The following XIRP2 variants were observed in gnomAD, a reference collection of about 807,000 sequenced individuals.
XIRP2 encodes xin actin-binding repeat-containing protein 2.
A neutral mutation model predicts 277.0 loss-of-function variants in XIRP2; 236 were observed. The observed-to-expected ratio is 0.85, with a 90% CI of 0.77 to 0.95. The LOEUF (loss-of-function observed/expected upper bound fraction) is 0.95, where lower values mean the gene tolerates loss of function less well. XIRP2 is among the 40% of genes least tolerant of loss of function. XIRP2 has a pLI of 0.00. For missense variants in XIRP2, 4,640 were observed against 4,157.5 expected, an observed-to-expected ratio of 1.12 and a Z score of -3.19; for synonymous variants, 1,490 against 1,416.5, an observed-to-expected ratio of 1.05 and a Z score of -1.17.
At chr2:167,239,527 G>A (rs879789466) in intron 5 of XIRP2, among the ~76,000 whole-genome samples, 1 of 152,308 alleles carries the variant, frequency 6.6e-6, no homozygotes, top group East Asian at 1.9e-4. Context: ...AGGGCTGTTA[G>A]CCCAGGGAAG....
chr2:167,185,822 TTATC>T (rs1447246080), intron 3 of XIRP2, among the ~76,000 whole-genome samples: 8 of 152,148 alleles, frequency 5.3e-5, no homozygotes, highest in Non-Finnish European at 1.2e-4. Context: ...AATAATTAAT[TTATC>T]TATATTATCT....
chr2:167,157,078 A>G (rs1253262909), intron 3 of XIRP2, among the ~76,000 whole-genome samples: 1 of 152,146 alleles, frequency 6.6e-6, no homozygotes, highest in Non-Finnish European at 1.5e-5. Context: ...AATATTTACT[A>G]TGCTTTTTAA....
At chr2:167,149,257 A>G (rs976775438) in intron 3 of XIRP2, among the ~76,000 whole-genome samples, 1 of 152,188 alleles carries the variant, frequency 6.6e-6, no homozygotes, top group Non-Finnish European at 1.5e-5. Flanking sequence ...TTAATTCACT[A>G]TGCAGATAGC....
rs772232997 is a variant in XIRP2, at chr2:167,249,303, C to A, written c.7911C>A (p.Val2637=). Residue 2637 remains valine, a synonymous_variant, in exon 9 of 11, where the codon GTC becomes GTA. Coordinates refer to ENST00000409195, the MANE Select transcript of XIRP2 (RefSeq NM_152381.6). ...NQLSTTSPET[V]AAKRLHHVLA... is the part of the protein sequence containing the mutation. ...TCTCCACAACATCGCCAGAAACAGT[C>A]GCTGCCAAGAGGCTCCACCATGTTT... 1 of 1,613,720 alleles carries A rather than the reference C, an allele frequency of 6.2e-7. No individual in the cohort carries two copies. Among genetic ancestry groups the A allele is most frequent in the Admixed American group, 1.7e-5 (1 of 59,976 alleles).
chr2:167,102,332 A>G (rs1574256933), intron 2 of XIRP2, among the ~76,000 whole-genome samples: 1 of 152,148 alleles, frequency 6.6e-6, no homozygotes, highest in Admixed American at 6.6e-5. Flanking sequence ...TATGGCTTTC[A>G]CCCCTTATCC....
chr2:167,124,532 T>C (rs1029690176), intron 2 of XIRP2: 1 of 152,130 alleles, frequency 6.6e-6, no homozygotes, highest in African/African-American at 2.4e-5. Flanking sequence ...GTACCTGCAA[T>C]GTTCAAAGAA....
At chr2:167,010,097 T>G (rs1479289792) in intron 2 of XIRP2, among the ~76,000 whole-genome samples, 1 of 152,136 alleles carries the variant, frequency 6.6e-6, no homozygotes, top group Admixed American at 6.6e-5. Flanking sequence ...ATTTTGTCTT[T>G]TGTTGCCATT....
At chr2:167,094,413 T>C (rs1690238390) in intron 2 of XIRP2, among the ~76,000 whole-genome samples, 1 of 152,242 alleles carries the variant, frequency 6.6e-6, no homozygotes, top group South Asian at 2.1e-4. Context: ...TGAATGGTAT[T>C]GCCTAGGTTT....
chr2:167,004,579 C>A lies in XIRP2; in HGVS notation c.408+100689C>A, dbSNP rs1209864173. ...ATCTCGGCTGTGTAGCAACGTAAGGCCTCTGAACTGTGAGTTAATCAAGTA... is the reference window on the plus strand; with the variant it reads ...ATCTCGGCTGTGTAGCAACGTAAGGACTCTGAACTGTGAGTTAATCAAGTA... On this transcript the variant is annotated intron_variant, in intron 2 of 10. Transcript: ENST00000409195. 5.9e-5 allele frequency among the ~76,000 whole-genome samples: 9 copies of A among 151,558 alleles called. 1 individual carries two copies. The highest frequency in any genetic ancestry group is 5.3e-4 in the Admixed American group (8 of 15,144).
At chr2:167,201,271 A>AGG (rs1196689890) in intron 3 of XIRP2, among the ~76,000 whole-genome samples, 2,175 of 132,944 alleles carry the variant, frequency 0.016, 188 homozygotes, top group African/African-American at 0.046. Flanking sequence ...AGAGAGAGGG[A>AGG]GAAAGGAAAG....
intron 3 of XIRP2, among the ~76,000 whole-genome samples, chr2:167,204,106 C>T (rs1010286131): frequency 2.0e-5 from 3 of 152,266 alleles, no homozygotes; most frequent in African/African-American, 7.2e-5. Flanking sequence ...TTCCATGGGA[C>T]TCACCAGCAC....
chr2:167,132,455 G>A (rs1691404770), intron 2 of XIRP2, among the ~76,000 whole-genome samples: 1 of 151,812 alleles, frequency 6.6e-6, no homozygotes, highest in Non-Finnish European at 1.5e-5. Context: ...TCCTGTTCTG[G>A]AGTTAGACTG....
At chr2:166,897,879 G>C (rs1182043361) in intron 1 of XIRP2, among the ~76,000 whole-genome samples, 1 of 152,066 alleles carries the variant, frequency 6.6e-6, no homozygotes. Context: ...AAAGCACATG[G>C]GCTATGCAGG....
At position 167,007,683 on chromosome 2, in the gene XIRP2, T is replaced by C. The variant is rs1202678144; in HGVS notation, c.408+103793T>C. 3.2e-3 allele frequency among the ~76,000 whole-genome samples: 346 copies of C among 108,810 alleles called. 1 individual carries two copies. Among genetic ancestry groups the C allele is most frequent in the African/African-American group, 0.019 (335 of 17,836 alleles). 71.4% of individuals were successfully genotyped at this position (108,810 alleles called of 152,430 possible). A position where few individuals can be genotyped will look rare whatever the true frequency, so the allele number is the denominator to read the frequency against. On this transcript the variant is annotated intron_variant, in intron 2 of 10. Transcript: ENST00000409195. ...ATATATCTTACCCACATGTACACTC[T>C]CTCTCTCTCTCTCTCTCTCTCACAC...
chr2:166,969,201 A>T (rs2105417512), intron 2 of XIRP2, among the ~76,000 whole-genome samples: 1 of 152,150 alleles, frequency 6.6e-6, no homozygotes, highest in Admixed American at 6.6e-5. Context: ...AAGAGAACTA[A>T]TGAAGTCTAT....
intron 2 of XIRP2, among the ~76,000 whole-genome samples, chr2:166,908,394 T>G (rs1262107240): frequency 6.6e-6 from 1 of 152,242 alleles, no homozygotes; most frequent in African/African-American, 2.4e-5. Flanking sequence ...CATGTGTGTG[T>G]TGGCTGCATA....
chr2:166,929,497 G>A (rs563626591), intron 2 of XIRP2, among the ~76,000 whole-genome samples: 1 of 152,076 alleles, frequency 6.6e-6, no homozygotes, highest in Non-Finnish European at 1.5e-5. Context: ...GTTGACAGGT[G>A]TCTGTACCAA....
At chr2:167,196,412 T>TG (rs1553498347) in intron 3 of XIRP2, among the ~76,000 whole-genome samples, 227 of 141,892 alleles carry the variant, frequency 1.6e-3, no homozygotes, top group African/African-American at 5.7e-3. Flanking sequence ...GTCAAGAATT[T>TG]TGTGTGTGTG....
chr2:166,927,231 G>A (rs1685212265), intron 2 of XIRP2, among the ~76,000 whole-genome samples: 1 of 152,086 alleles, frequency 6.6e-6, no homozygotes, highest in Non-Finnish European at 1.5e-5. Flanking sequence ...AGTAAAATGA[G>A]CACCACCTTA....
Sources: allele counts gnomAD v4.1 joint callset (sites outside exome capture counted in the v4.1 genomes callset), GRCh38; gene constraint gnomAD v4.1.1; transcripts MANE v1.5; gene names NCBI Gene and HGNC (gene_info 2026-07-23, HGNC 2026-07-21).